The following CDK14 variants were observed in gnomAD, a reference collection of about 807,000 sequenced individuals.
CDK14 encodes cyclin-dependent kinase 14.
A neutral mutation model predicts 60.7 loss-of-function variants in CDK14; 34 were observed. The ratio of observed to expected loss-of-function variants is 0.56; its 90% CI spans 0.43 to 0.75. CDK14 has a LOEUF of 0.75. CDK14 is among the 30% of genes least tolerant of loss of function. The pLI, the probability that CDK14 is intolerant of heterozygous loss-of-function variation, is 0.00. For missense variants in CDK14, 482 were observed against 564.1 expected (o/e 0.85, Z 1.47); for synonymous variants, 197 against 203.7 (o/e 0.97, Z 0.28).
intron 2 of CDK14, among the ~76,000 whole-genome samples, chr7:90,715,531 T>G (rs2116664229): frequency 6.6e-6 from 1 of 152,144 alleles, no homozygotes; most frequent in South Asian, 2.1e-4. Flanking sequence ...TGGAGTCCTT[T>G]GGAAATACAC....
intron 2 of CDK14, among the ~76,000 whole-genome samples, chr7:90,654,179 C>A (rs1023913393): frequency 2.6e-5 from 4 of 152,130 alleles, no homozygotes; most frequent in Non-Finnish European, 5.9e-5. Context: ...CCTGTCCTTT[C>A]TTAGTATGTT....
intron 9 of CDK14, among the ~76,000 whole-genome samples, chr7:90,981,612 A>G (rs1795228523): frequency 6.6e-6 from 1 of 152,110 alleles, no homozygotes; most frequent in Non-Finnish European, 1.5e-5. Context: ...CTTGGTCTTA[A>G]CCCCTAGGTT....
intron 14 of CDK14, among the ~76,000 whole-genome samples, chr7:91,121,349 C>T (rs550665950): frequency 2.6e-5 from 4 of 152,164 alleles, no homozygotes; most frequent in East Asian, 3.9e-4. Flanking sequence ...AAAACTGGGC[C>T]GGCCGGCATT....
intron 8 of CDK14, among the ~76,000 whole-genome samples, chr7:90,938,739 G>A (rs1294348987): frequency 2.0e-5 from 3 of 151,996 alleles, no homozygotes; most frequent in African/African-American, 7.2e-5. Context: ...AACAAAACAA[G>A]GTTTACAGAA....
intron 2 of CDK14, among the ~76,000 whole-genome samples, chr7:90,690,724 C>T (rs1221267850): frequency 8.0e-6 from 1 of 125,290 alleles, no homozygotes; most frequent in Admixed American, 8.7e-5. Flanking sequence ...TTTTATGAGC[C>T]GCAACATACA....
chr7:90,781,062 C>G (rs1805297074), intron 4 of CDK14, among the ~76,000 whole-genome samples: 1 of 152,052 alleles, frequency 6.6e-6, no homozygotes, highest in Non-Finnish European at 1.5e-5. Context: ...TCTCCAGCAC[C>G]TGTTGTTTCC....
intron 14 of CDK14, among the ~76,000 whole-genome samples, chr7:91,120,296 G>A (rs78264397): frequency 2.0e-5 from 3 of 152,090 alleles, no homozygotes; most frequent in Admixed American, 6.6e-5. Context: ...GGACAGAAGG[G>A]TTGCTCAGAA....
chr7:90,635,614 C>T (rs188090988), intron 2 of CDK14, among the ~76,000 whole-genome samples: 46,860 of 151,662 alleles, frequency 0.31, 8,149 homozygotes, highest in East Asian at 0.67. Context: ...CTTGGCAATG[C>T]GGGCTCTTTT....
At chr7:90,907,448 T>C (rs781573934) in intron 7 of CDK14, among the ~76,000 whole-genome samples, 40 of 152,018 alleles carry the variant, frequency 2.6e-4, no homozygotes, top group Non-Finnish European at 5.2e-4. Context: ...TTAAGATTCA[T>C]GAAAAAAAGA....
At chr7:91,190,073 T>A (rs572432631) in intron 14 of CDK14, among the ~76,000 whole-genome samples, 1 of 152,244 alleles carries the variant, frequency 6.6e-6, no homozygotes, top group Non-Finnish European at 1.5e-5. Context: ...AAAATAGACA[T>A]GACAGACATT....
At chr7:90,971,029 G>A (rs905646465) in intron 9 of CDK14, among the ~76,000 whole-genome samples, 4 of 151,778 alleles carry the variant, frequency 2.6e-5, no homozygotes, top group Non-Finnish European at 4.4e-5. Flanking sequence ...TCATCAACTC[G>A]TCATTTAGCA....
chr7:91,152,309 A>G (rs369389804), intron 14 of CDK14, among the ~76,000 whole-genome samples: 22 of 152,234 alleles, frequency 1.4e-4, no homozygotes, highest in African/African-American at 5.3e-4. Flanking sequence ...TTACTAAATC[A>G]TATAATATCA....
At chr7:90,747,108 T>A (rs1200010967) in intron 3 of CDK14, among the ~76,000 whole-genome samples, 1 of 152,232 alleles carries the variant, frequency 6.6e-6, no homozygotes. Context: ...AGTAAAACTT[T>A]ATGAACACTA....
At chr7:90,816,775 G>A (rs17163250) in intron 5 of CDK14, among the ~76,000 whole-genome samples, 30,871 of 152,154 alleles carry the variant, frequency 0.2, 3,258 homozygotes, top group South Asian at 0.24. Context: ...CATGTGGTAT[G>A]TACTGAAACT....
rs543416661 is a variant in CDK14 at position 90,852,484 on chromosome 7, G to A, written c.545-10691G>A. Among the ~76,000 whole-genome samples, 16 of 130,388 alleles carry A rather than the reference G, an allele frequency of 1.2e-4. No homozygotes were observed. The South Asian group carries it at 4.6e-3, about 38-fold the overall frequency. 85.5% of individuals were successfully genotyped at this position (130,388 alleles called of 152,430 possible). A position where few individuals can be genotyped will look rare whatever the true frequency, so the allele number is the denominator to read the frequency against. On this transcript the variant is annotated intron_variant, in intron 5 of 14. Transcript: ENST00000380050. The stretch of plus-strand genomic sequence containing the variant: ...TCAATGCTGCATTAGCTGGAATAAT[G>A]TGAAGCAGAAAAGTTAAACAGTTAA...
rs1439907820 is a variant in CDK14, at chr7:91,045,891, C to T, written c.1042-6C>T. ...GCTGTTTCCACAATCTCCTACTCTC[C>T]ACTAGGTTCTTGGAACACCAAATGA... On this transcript the variant is annotated splice_region_variant and splice_polypyrimidine_tract_variant and intron_variant, in intron 10 of 14. Transcript: ENST00000380050. The T allele has an allele frequency of 6.3e-7, 1 of 1,597,076 alleles. No homozygotes were observed. The highest frequency in any genetic ancestry group is 1.1e-5 in the South Asian group (1 of 90,688).
At chr7:90,784,210 A>G (rs1259324884) in intron 4 of CDK14, among the ~76,000 whole-genome samples, 1 of 152,198 alleles carries the variant, frequency 6.6e-6, no homozygotes, top group East Asian at 1.9e-4. Flanking sequence ...ATATATGGGA[A>G]CTAAAAAATT....
In CDK14 at chr7:91,209,707, A is replaced by G. The variant is rs554229849; in HGVS notation, c.*2571A>G. 6.5e-6 allele frequency: 1 copy of G among 152,744 alleles called. No homozygotes were observed. Among genetic ancestry groups the G allele is most frequent in the East Asian group, 1.9e-4 (1 of 5,186 alleles). The allele number at this position is 152,744 out of a possible 1,614,324, so 9.5% of individuals were successfully genotyped here. ...ACACAGTATTCTGAAAGGAGATTTGACACTTAATTCCCATTTTCTTAAAAT... is the reference window on the plus strand; with the variant it reads ...ACACAGTATTCTGAAAGGAGATTTGGCACTTAATTCCCATTTTCTTAAAAT... On this transcript the variant is annotated 3_prime_UTR_variant, in exon 15 of 15. Transcript: ENST00000380050.
intron 2 of CDK14, among the ~76,000 whole-genome samples, chr7:90,707,973 T>TG (rs1563051815): frequency 6.6e-6 from 1 of 152,154 alleles, no homozygotes; most frequent in African/African-American, 2.4e-5. Context: ...AATGAATAGA[T>TG]GAAAGATTAA....
Sources: allele counts gnomAD v4.1 joint callset (sites outside exome capture counted in the v4.1 genomes callset), GRCh38; gene constraint gnomAD v4.1.1; transcripts MANE v1.5; gene names NCBI Gene and HGNC (gene_info 2026-07-23, HGNC 2026-07-21).